Variants in CSRNP2 observed in about 807,000 individuals in gnomAD.
CSRNP2 encodes cysteine and serine rich nuclear protein 2.
A neutral mutation model predicts 36.6 loss-of-function variants in CSRNP2; 11 were observed. The ratio of observed to expected loss-of-function variants is 0.30; its 90% CI spans 0.19 to 0.50. The LOEUF (loss-of-function observed/expected upper bound fraction) is 0.50, where lower values mean the gene tolerates loss of function less well. CSRNP2 is among the 20% of genes least tolerant of loss of function. CSRNP2 has a pLI of 0.98. For missense variants in CSRNP2, 483 were observed against 691.4 expected (o/e 0.70, Z 3.38); for synonymous variants, 248 against 275.3 (o/e 0.90, Z 0.98).
At chr12:51,074,969 G>A (rs987610656) in intron 2 of CSRNP2, among the ~76,000 whole-genome samples, 7 of 152,048 alleles carry the variant, frequency 4.6e-5, no homozygotes, top group African/African-American at 1.7e-4. Flanking sequence ...GGAAGCTGAG[G>A]CAGGAGAATC....
intron 1 of CSRNP2, among the ~76,000 whole-genome samples, chr12:51,078,526 C>A (rs895053295): frequency 6.6e-6 from 1 of 152,110 alleles, no homozygotes; most frequent in African/African-American, 2.4e-5. Context: ...AAGAAAGGAG[C>A]GAGCCAAGGG....
intron 2 of CSRNP2, among the ~76,000 whole-genome samples, chr12:51,076,092 C>A (rs887954290): frequency 3.9e-5 from 6 of 152,238 alleles, no homozygotes; most frequent in African/African-American, 1.4e-4. Flanking sequence ...GTTGTCCAAG[C>A]AGCAAGCATT....
In CSRNP2 at chr12:51,076,624, C is replaced by T. The variant is rs1939413660; in HGVS notation, c.-63G>A. ...TGGCCCCAAAGCCCCTACTCACCACCAGCTAGCCAGGTACATTAGGATTCT... is the reference window on the plus strand; with the variant it reads ...TGGCCCCAAAGCCCCTACTCACCACTAGCTAGCCAGGTACATTAGGATTCT... On this transcript the variant is annotated 5_prime_UTR_variant, in exon 2 of 5. The change creates a premature stop within an existing upstream ORF in the 5' untranslated region. Coordinates refer to ENST00000228515, the MANE Select transcript of CSRNP2 (RefSeq NM_030809.3). 6.3e-7 allele frequency: 1 copy of T among 1,587,162 alleles called. No homozygotes were observed. Among genetic ancestry groups the T allele is most frequent in the Non-Finnish European group, 8.6e-7 (1 of 1,157,864 alleles).
At position 51,067,626 on chromosome 12, in the gene CSRNP2, C is replaced by T. The variant is rs112932844; in HGVS notation, c.708+47G>A. On this transcript the variant is annotated intron_variant, in intron 4 of 4. Coordinates refer to ENST00000228515, the MANE Select transcript of CSRNP2 (RefSeq NM_030809.3). The surrounding 1 kb of genome is among the most constrained non-coding windows in gnomAD (Gnocchi z 4.1). ...GTTCAGTGGCACCCACACCTCACCC[C>T]GCTGACCCTGGTGTAGATATACTAT... 827 of 1,573,718 alleles carry T rather than the reference C, an allele frequency of 5.3e-4. 7 individuals are homozygous for T. The African/African-American group carries it at 9.4e-3, about 18-fold the overall frequency.
intron 3 of CSRNP2, among the ~76,000 whole-genome samples, chr12:51,072,685 T>C (rs1939234174): frequency 6.6e-6 from 1 of 151,376 alleles, no homozygotes. Context: ...AGGCACAGTA[T>C]TATACAAATC....
At chr12:51,070,759 C>A (rs903356293) in intron 3 of CSRNP2, among the ~76,000 whole-genome samples, 2 of 152,172 alleles carry the variant, frequency 1.3e-5, no homozygotes, top group East Asian at 3.9e-4. Context: ...GCTGGAACAA[C>A]CCCAAAGGAA....
intron 1 of CSRNP2, among the ~76,000 whole-genome samples, chr12:51,078,980 C>G (rs1939507310): frequency 6.6e-6 from 1 of 152,178 alleles, no homozygotes; most frequent in East Asian, 1.9e-4. Flanking sequence ...ACCCAAATGT[C>G]CATCAATGAT....
Position 51,064,319 on chromosome 12 carries a change from G to A in CSRNP2, c.1059C>T (p.Ile353=), listed in dbSNP as rs141168641. The A allele has an allele frequency of 6.1e-5, 99 of 1,614,162 alleles. No individual in the cohort carries two copies. In the African/African-American group the frequency reaches 1.1e-3, roughly 18 times the overall value. The change falls in exon 5 of 5, where the codon ATC becomes ATT. Residue 353 remains isoleucine (I), a synonymous_variant. Coordinates refer to ENST00000228515, the MANE Select transcript of CSRNP2 (RefSeq NM_030809.3). The stretch of plus-strand genomic sequence containing the variant: ...CTAGGATGCACACACCCAGGCTCTC[G>A]ATGCTCGAGTCCAGGCTGGCACTAG... ...SGSSASLDSS[I]ESLGVCILEE... is the part of the protein sequence containing the mutation.
intron 3 of CSRNP2, among the ~76,000 whole-genome samples, chr12:51,068,682 A>T (rs1938670995): frequency 6.6e-6 from 1 of 152,226 alleles, no homozygotes; most frequent in Non-Finnish European, 1.5e-5. Context: ...CTTCTAACAC[A>T]GAGAGGAAAA....
Position 51,062,541 on chromosome 12 carries a change from C to T in CSRNP2, c.*1205G>A, listed in dbSNP as rs1046807611. On this transcript the variant is annotated 3_prime_UTR_variant, in exon 5 of 5. Transcript: ENST00000228515. The stretch of plus-strand genomic sequence containing the variant: ...TACGCTTCAAAGGTTATAATTAGAA[C>T]TTGAATCCTTTGGAATCTGGGAGTT... 12 of 152,158 alleles carry T rather than the reference C, an allele frequency of 7.9e-5. No individual in the cohort carries two copies. Among genetic ancestry groups the T allele is most frequent in the African/African-American group, 2.9e-4 (12 of 41,440 alleles). 9.4% of individuals were successfully genotyped at this position (152,158 alleles called of 1,614,324 possible).
rs1472877017 is a variant in CSRNP2 at position 51,083,467 on chromosome 12, CCAGGGCGG to C, written c.-223_-216del. 1 of 152,298 alleles carries C rather than the reference CCAGGGCGG, an allele frequency of 6.6e-6. No homozygotes were observed. 9.4% of individuals were successfully genotyped at this position (152,298 alleles called of 1,614,324 possible). A position where few individuals can be genotyped will look rare whatever the true frequency, so the allele number is the denominator to read the frequency against. ...CCCCGCGGCGACGGCCGGGGAGCTC[CCAGGGCGG>C]CAGGGCGGGGAGGGAGGGCGGTGGG... On this transcript the variant is annotated 5_prime_UTR_variant, in exon 1 of 5. Transcript: ENST00000228515.
intron 3 of CSRNP2, among the ~76,000 whole-genome samples, chr12:51,069,050 G>C (rs552497875): frequency 6.6e-6 from 1 of 151,832 alleles, no homozygotes; most frequent in Non-Finnish European, 1.5e-5. Flanking sequence ...ATCTCAGCTC[G>C]CTGCAAGCTC....
At position 51,076,658 on chromosome 12, in the gene CSRNP2, A is replaced by T. The variant is rs539424168; in HGVS notation, c.-86-11T>A. 3 of 1,365,256 alleles carry T rather than the reference A, an allele frequency of 2.2e-6. No individual in the cohort carries two copies. In the South Asian group the frequency reaches 3.7e-5, roughly 17 times the overall value. 84.6% of individuals were successfully genotyped at this position (1,365,256 alleles called of 1,614,324 possible). A position where few individuals can be genotyped will look rare whatever the true frequency, so the allele number is the denominator to read the frequency against. ...AGGTACATTAGGATTCTGCCCAGGG[A>T]AAAAAAGGAATCAGCATTCCTGTCC... On this transcript the variant is annotated splice_polypyrimidine_tract_variant and intron_variant, in intron 1 of 4. Transcript: ENST00000228515.
chr12:51,082,729 T>C (rs1023971983), intron 1 of CSRNP2: 4 of 151,490 alleles, frequency 2.6e-5, no homozygotes, highest in South Asian at 2.1e-4. Flanking sequence ...ACCAGGGCAA[T>C]TGATGCTTTC....
At chr12:51,082,759 G>A (rs1001299864) in intron 1 of CSRNP2, 2 of 152,192 alleles carry the variant, frequency 1.3e-5, no homozygotes, top group African/African-American at 2.4e-5. Context: ...CACGACGCCA[G>A]AAATATGGGA....
chr12:51,067,823 C>T lies in CSRNP2; in HGVS notation c.558G>A (p.Leu186=). Residue 186 remains leucine, a synonymous_variant, in exon 4 of 5, where the codon CTG becomes CTA. Transcript: ENST00000228515. The surrounding 1 kb of genome is among the most constrained non-coding windows in gnomAD (Gnocchi z 4.1). ...TACGGTGGACCCCAGAAGCCCTCAG[C>T]AGGGCCCGTCGCCGTTTGGTGGGCA... ...QPLPTKRRRA[L]LRASGVHRID... The T allele has an allele frequency of 6.2e-7, 1 of 1,614,246 alleles. No homozygotes were observed. Among genetic ancestry groups the T allele is most frequent in the Non-Finnish European group, 8.5e-7 (1 of 1,180,042 alleles).
At position 51,064,649 on chromosome 12, in the gene CSRNP2, T is replaced by A. The variant is rs376930680; in HGVS notation, c.729A>T (p.Pro243=). The A allele has an allele frequency of 5.9e-6, 9 of 1,528,464 alleles. No individual in the cohort carries two copies. In the African/African-American group the frequency reaches 9.7e-5, roughly 16 times the overall value. 94.7% of individuals were successfully genotyped at this position (1,528,464 alleles called of 1,614,324 possible). A position where few individuals can be genotyped will look rare whatever the true frequency, so the allele number is the denominator to read the frequency against. The change falls in exon 5 of 5, where the codon CCA becomes CCT. Residue 243 remains proline, a synonymous_variant. Transcript: ENST00000228515. ...CACAGCCATCCCGGGAGCAGCCACA[T>A]GGAAAGGACATGCGATCCACCTGAG... ...IKCQVDRMSF[P]CGCSRDGCGN...
intron 1 of CSRNP2, among the ~76,000 whole-genome samples, chr12:51,079,131 C>A (rs1258642378): frequency 6.6e-6 from 1 of 152,046 alleles, no homozygotes; most frequent in East Asian, 1.9e-4. Flanking sequence ...GGACAGAAAA[C>A]CAAACACCGC....
At chr12:51,074,520 A>G (rs1163954000) in intron 2 of CSRNP2, among the ~76,000 whole-genome samples, 2 of 152,156 alleles carry the variant, frequency 1.3e-5, no homozygotes, top group Non-Finnish European at 2.9e-5. Flanking sequence ...CTCTATATCT[A>G]GAGAACTGTC....
Sources: gnomAD v4.1 joint callset for allele counts (sites outside exome capture counted in the v4.1 genomes callset) on GRCh38, gnomAD v4.1.1 for gene constraint, Gnocchi (gnomAD v3.1) non-coding constraint, MANE v1.5 for transcripts, NCBI Gene and HGNC (gene_info 2026-07-23, HGNC 2026-07-21) for gene names.